Variants in SH2D4A observed in about 807,000 individuals in gnomAD.
SH2D4A encodes the protein SH2 domain containing 4A, also known as SH2 domain-containing protein 4A.
In SH2D4A, 70 loss-of-function variants were observed where a neutral mutation model predicts 64.7. The observed-to-expected ratio is 1.08, with a 90% CI of 0.89 to 1.32. SH2D4A has a LOEUF of 1.32. Ranked by LOEUF, SH2D4A falls within the 40% of genes most tolerant of loss-of-function variation. The pLI is 0.00. For missense variants in SH2D4A, 706 were observed against 540.1 expected, an observed-to-expected ratio of 1.31 and a Z score of -3.04; for synonymous variants, 268 against 200.7, an observed-to-expected ratio of 1.34 and a Z score of -2.83.
At chr8:19,371,762 T>C (rs2053102991) in intron 7 of SH2D4A, among the ~76,000 whole-genome samples, 1 of 152,220 alleles carries the variant, frequency 6.6e-6, no homozygotes, top group Non-Finnish European at 1.5e-5. Flanking sequence ...TGTTTTCTTT[T>C]TTATCTCTGT....
At chr8:19,342,633 G>A (rs189123935) in intron 4 of SH2D4A, among the ~76,000 whole-genome samples, 27 of 152,264 alleles carry the variant, frequency 1.8e-4, no homozygotes, top group African/African-American at 5.8e-4. Context: ...ATCCTGTTCC[G>A]AGGGCAATGG....
At chr8:19,391,130 G>T (rs1013290047) in intron 8 of SH2D4A, among the ~76,000 whole-genome samples, 1 of 152,122 alleles carries the variant, frequency 6.6e-6, no homozygotes, top group Non-Finnish European at 1.5e-5. Context: ...CCTGGGTTTC[G>T]GAGTCAGTCT....
chr8:19,333,868 C>T (rs780952397), intron 3 of SH2D4A, among the ~76,000 whole-genome samples: 3 of 152,166 alleles, frequency 2.0e-5, no homozygotes, highest in Admixed American at 6.5e-5. Flanking sequence ...AGGGCTTAAC[C>T]AAGATCCCTA....
chr8:19,359,738 A>T (rs1426876836), intron 5 of SH2D4A, among the ~76,000 whole-genome samples: 2 of 145,060 alleles, frequency 1.4e-5, no homozygotes, highest in Non-Finnish European at 2.9e-5. Flanking sequence ...GTTTAGTTAC[A>T]TCTGCAGTGA....
At position 19,341,844 on chromosome 8, in the gene SH2D4A, CA is replaced by C. The variant is rs35856719; in HGVS notation, c.513+7004del. On this transcript the variant is annotated intron_variant, in intron 4 of 9. Transcript: ENST00000265807. The stretch of plus-strand genomic sequence containing the variant: ...GTGACAGAGCAAAACCTTGTCTTAA[CA>C]AAAAAAAAAAAAAAAAGATCATCAC... 4.0e-3 allele frequency among the ~76,000 whole-genome samples: 330 copies of C among 83,298 alleles called. 1 individual carries two copies. Among genetic ancestry groups the C allele is most frequent in the African/African-American group, 6.3e-3 (158 of 25,080 alleles). The allele number at this position is 83,298 out of a possible 152,430, so 54.6% of individuals were successfully genotyped here.
At chr8:19,360,104 C>T (rs568457216) in intron 5 of SH2D4A, among the ~76,000 whole-genome samples, 49 of 152,204 alleles carry the variant, frequency 3.2e-4, no homozygotes, top group African/African-American at 1.0e-3. Flanking sequence ...ATTTCTCTTT[C>T]GTTTAAAATG....
chr8:19,367,598 T>A (rs2053020355), intron 7 of SH2D4A, among the ~76,000 whole-genome samples: 1 of 152,160 alleles, frequency 6.6e-6, no homozygotes, highest in South Asian at 2.1e-4. Context: ...TTTTTGCTAT[T>A]GAGTTTGAGT....
Position 19,313,938 on chromosome 8 carries a change from G to T in SH2D4A, c.-205+115G>T, listed in dbSNP as rs561269802. 11 of 1,282,696 alleles carry T rather than the reference G, an allele frequency of 8.6e-6. No homozygotes were observed. The East Asian group carries it at 9.5e-5, about 11-fold the overall frequency. 79.5% of individuals were successfully genotyped at this position (1,282,696 alleles called of 1,614,324 possible). A position where few individuals can be genotyped will look rare whatever the true frequency, so the allele number is the denominator to read the frequency against. ...GCATGGGAGGCGCAGGGGCCAGAGC[G>T]GGCGGGCGGAAGCCTCACCCCCGCC... On this transcript the variant is annotated intron_variant, in intron 1 of 9. Coordinates refer to ENST00000265807, the MANE Select transcript of SH2D4A (RefSeq NM_022071.4).
intron 4 of SH2D4A, among the ~76,000 whole-genome samples, chr8:19,345,943 G>T (rs1192404018): frequency 6.6e-6 from 1 of 152,204 alleles, no homozygotes; most frequent in Non-Finnish European, 1.5e-5. Context: ...ATTGTTTGAT[G>T]GCTGCTACAG....
chr8:19,358,078 G>C (rs955381246), intron 5 of SH2D4A, among the ~76,000 whole-genome samples: 4 of 152,176 alleles, frequency 2.6e-5, no homozygotes, highest in African/African-American at 4.8e-5. Flanking sequence ...CTGTAGTCCT[G>C]TGTGCATACT....
chr8:19,318,641 G>C (rs999848572), intron 1 of SH2D4A, among the ~76,000 whole-genome samples: 1 of 152,150 alleles, frequency 6.6e-6, no homozygotes. Flanking sequence ...TATTAAACTA[G>C]GTTATCTGGA....
At chr8:19,356,461 T>G (rs575594808) in intron 4 of SH2D4A, among the ~76,000 whole-genome samples, 15 of 152,316 alleles carry the variant, frequency 9.8e-5, no homozygotes, top group African/African-American at 3.1e-4. Context: ...TCAGGACATT[T>G]GACTACCCAT....
chr8:19,379,042 A>G (rs948037237), intron 8 of SH2D4A, among the ~76,000 whole-genome samples: 8 of 150,338 alleles, frequency 5.3e-5, no homozygotes, highest in African/African-American at 1.7e-4. Flanking sequence ...AGATCACGCC[A>G]TGCACTCCAG....
chr8:19,371,714 T>C (rs1330946295), intron 7 of SH2D4A, among the ~76,000 whole-genome samples: 1 of 152,218 alleles, frequency 6.6e-6, no homozygotes. Context: ...ACTCTTTTGA[T>C]GTTGTCCCAC....
At chr8:19,366,980 C>A (rs554301494) in intron 7 of SH2D4A, among the ~76,000 whole-genome samples, 1 of 152,136 alleles carries the variant, frequency 6.6e-6, no homozygotes, top group African/African-American at 2.4e-5. Flanking sequence ...AACTTCATAC[C>A]GTTGTTTATG....
chr8:19,339,142 G>A (rs944463066), intron 4 of SH2D4A, among the ~76,000 whole-genome samples: 1 of 152,186 alleles, frequency 6.6e-6, no homozygotes, highest in Non-Finnish European at 1.5e-5. Flanking sequence ...TTCGATGTTC[G>A]AGGTGAGGAA....
chr8:19,357,401 C>G (rs2052810250), intron 5 of SH2D4A, 118 bp downstream of exon 5: 2 of 797,992 alleles, frequency 2.5e-6, no homozygotes, highest in Non-Finnish European at 4.2e-6. Context: ...GATGGGAAAT[C>G]TGTCCTAAAA....
chr8:19,358,210 GATCGT>G (rs2052824663), intron 5 of SH2D4A, among the ~76,000 whole-genome samples: 1 of 152,168 alleles, frequency 6.6e-6, no homozygotes, highest in South Asian at 2.1e-4. Flanking sequence ...GAAGACAAAG[GATCGT>G]ATATTCATCC....
chr8:19,328,033 C>T (rs551698413), intron 2 of SH2D4A, among the ~76,000 whole-genome samples: 2 of 152,300 alleles, frequency 1.3e-5, no homozygotes, highest in African/African-American at 4.8e-5. Context: ...TGGTCTCCTC[C>T]ACTGTTTGGT....
Sources: gnomAD v4.1 joint callset for allele counts (sites outside exome capture counted in the v4.1 genomes callset) on GRCh38, gnomAD v4.1.1 for gene constraint, MANE v1.5 for transcripts, NCBI Gene and HGNC (gene_info 2026-07-23, HGNC 2026-07-21) for gene names.